Variants in SLAIN2 observed in about 807,000 individuals in gnomAD.
The protein encoded by SLAIN2 is SLAIN motif-containing protein 2.
In SLAIN2, 31 loss-of-function variants were observed where a neutral mutation model predicts 56.6. The observed-to-expected ratio is 0.55, with a 90% CI of 0.41 to 0.74. The LOEUF is 0.74. Among genes scored for constraint, SLAIN2 ranks in the 30% least tolerant of loss-of-function variants. The probability of loss-of-function intolerance (pLI) is 0.00; values close to 1 mark genes in which losing one functional copy is unlikely to be tolerated. For synonymous variants in SLAIN2, 317 were observed against 284.9 expected (o/e 1.11, Z -1.13); for missense variants, 777 against 754.2 (o/e 1.03, Z -0.35).
Position 48,383,692 on chromosome 4 carries a change from C to G in SLAIN2, c.1268C>G (p.Thr423Arg), listed in dbSNP as rs751909465. The G allele has an allele frequency of 1.2e-6, 2 of 1,608,800 alleles. No homozygotes were observed. Among genetic ancestry groups the G allele is most frequent in the South Asian group, 2.2e-5 (2 of 90,190 alleles). ...CCAAACCTGTCCCGAACATCTAATA[C>G]ACAAGTTGACTCAGTGAAAAGCAGC... ...SLPNLSRTSN[T>R]QVDSVKSSRS... Residue 423 changes from threonine (T) to arginine (R), a missense_variant, in exon 6 of 8, where the codon ACA (threonine) becomes AGA (arginine). Transcript: ENST00000264313.
At chr4:48,365,443 T>TAA (rs1295701077) in intron 1 of SLAIN2, among the ~76,000 whole-genome samples, 2 of 45,914 alleles carry the variant, frequency 4.4e-5, no homozygotes, top group African/African-American at 9.8e-5. Flanking sequence ...AGACTCCATC[T>TAA]CAAAAAAAAA....
chr4:48,347,396 A>G (rs1211061246), intron 1 of SLAIN2, among the ~76,000 whole-genome samples: 1 of 137,406 alleles, frequency 7.3e-6, no homozygotes, highest in Non-Finnish European at 1.5e-5. Flanking sequence ...CAGGCGCGTG[A>G]CACCATGCCT....
Position 48,341,930 on chromosome 4 carries a change from C to G in SLAIN2, c.191C>G (p.Pro64Arg), listed in dbSNP as rs1279368219. The G allele has an allele frequency of 6.7e-7, 1 of 1,502,654 alleles. No individual in the cohort carries two copies. Among genetic ancestry groups the G allele is most frequent in the South Asian group, 1.3e-5 (1 of 78,904 alleles). 93.1% of individuals were successfully genotyped at this position (1,502,654 alleles called of 1,614,324 possible). The change falls in exon 1 of 8, where the codon CCT becomes CGT. Residue 64 changes from proline to arginine, a missense_variant. Physicochemically the swap from Pro to Arg is moderately radical, Grantham distance 103 (BLOSUM62 -2). Coordinates refer to ENST00000264313, the MANE Select transcript of SLAIN2 (RefSeq NM_020846.2). ...ATTCCCTCCTCCGGCGCGGCGTCTCCTCGGGGCTTCCCCTTGGGCCTCAGC... is the reference window on the plus strand; with the variant it reads ...ATTCCCTCCTCCGGCGCGGCGTCTCGTCGGGGCTTCCCCTTGGGCCTCAGC... ...ASIPSSGAAS[P>R]RGFPLGLSAK...
intron 6 of SLAIN2, chr4:48,394,750 C>T (rs1291353575): frequency 4.9e-6 from 4 of 817,460 alleles, no homozygotes; most frequent in Non-Finnish European, 7.5e-6. Context: ...CTGTAAGGCA[C>T]ATTTTAGTCT....
chr4:48,399,977 T>A (rs1007587139), intron 6 of SLAIN2, among the ~76,000 whole-genome samples: 1 of 152,166 alleles, frequency 6.6e-6, no homozygotes, highest in African/African-American at 2.4e-5. Context: ...TTTTGTTGTA[T>A]CTTTGCTAGG....
chr4:48,403,150 A>G (rs550278947), intron 6 of SLAIN2, among the ~76,000 whole-genome samples: 1 of 152,322 alleles, frequency 6.6e-6, no homozygotes, highest in Admixed American at 6.5e-5. Context: ...TTTATGAGGT[A>G]TCTGGAGACC....
chr4:48,392,062 CAG>C (rs145431249), intron 6 of SLAIN2, among the ~76,000 whole-genome samples: 2,314 of 152,268 alleles, frequency 0.015, 42 homozygotes, highest in African/African-American at 0.051. Flanking sequence ...TAGAAAGATT[CAG>C]AGTTTCACTT....
intron 6 of SLAIN2, among the ~76,000 whole-genome samples, chr4:48,413,620 G>A (rs1483767013): frequency 6.6e-6 from 1 of 152,162 alleles, no homozygotes; most frequent in Non-Finnish European, 1.5e-5. Flanking sequence ...TCGTTGACAA[G>A]GAGATATTTT....
rs546995086 is a variant in SLAIN2 at position 48,423,042 on chromosome 4, A to T, written c.*965A>T. The T allele has an allele frequency of 3.9e-4, 60 of 152,268 alleles. No individual in the cohort carries two copies. The highest frequency in any genetic ancestry group is 1.4e-3 in the African/African-American group (57 of 41,548). The allele number at this position is 152,268 out of a possible 1,614,324, so 9.4% of individuals were successfully genotyped here. A position where few individuals can be genotyped will look rare whatever the true frequency, so the allele number is the denominator to read the frequency against. The stretch of plus-strand genomic sequence containing the variant: ...TTGCAACCTGGAACAAAACCATACC[A>T]TGAGAGAGAGGGGGAAAAAAATCTA... On this transcript the variant is annotated 3_prime_UTR_variant, in exon 8 of 8. Coordinates refer to ENST00000264313, the MANE Select transcript of SLAIN2 (RefSeq NM_020846.2).
Position 48,362,636 on chromosome 4 carries a change from G to GTC in SLAIN2, c.390-7210_390-7209dup, listed in dbSNP as rs1715358577. The stretch of plus-strand genomic sequence containing the variant: ...GGGTTTCACCGTGTTAGCCAGGATG[G>GTC]TCTCGATCTACTGACCTTGTGATCC... On this transcript the variant is annotated intron_variant, in intron 1 of 7. Coordinates refer to ENST00000264313, the MANE Select transcript of SLAIN2 (RefSeq NM_020846.2). 2.7e-5 allele frequency among the ~76,000 whole-genome samples: 4 copies of GTC among 150,034 alleles called. No homozygotes were observed. In the South Asian group the frequency reaches 8.4e-4, roughly 31 times the overall value.
At chr4:48,362,330 A>G (rs1237528999) in intron 1 of SLAIN2, among the ~76,000 whole-genome samples, 3 of 152,070 alleles carry the variant, frequency 2.0e-5, no homozygotes, top group Non-Finnish European at 4.4e-5. Context: ...TTAATATGTG[A>G]AAACATGTGG....
At chr4:48,395,309 A>G (rs903838898) in intron 6 of SLAIN2, among the ~76,000 whole-genome samples, 1 of 152,192 alleles carries the variant, frequency 6.6e-6, no homozygotes, top group Non-Finnish European at 1.5e-5. Flanking sequence ...GGTATGAAAC[A>G]AAGAGGAAAA....
At chr4:48,401,200 T>G (rs939485045) in intron 6 of SLAIN2, among the ~76,000 whole-genome samples, 1 of 151,974 alleles carries the variant, frequency 6.6e-6, no homozygotes, top group African/African-American at 2.4e-5. Flanking sequence ...GACTATTACA[T>G]GATCAATTTT....
rs1239875731 is a variant in SLAIN2, at chr4:48,423,041, C to T, written c.*964C>T. ...CTTGCAACCTGGAACAAAACCATAC[C>T]ATGAGAGAGAGGGGGAAAAAAATCT... On this transcript the variant is annotated 3_prime_UTR_variant, in exon 8 of 8. Coordinates refer to ENST00000264313, the MANE Select transcript of SLAIN2 (RefSeq NM_020846.2). The T allele has an allele frequency of 6.6e-6, 1 of 152,002 alleles. No individual in the cohort carries two copies. 9.4% of individuals were successfully genotyped at this position (152,002 alleles called of 1,614,324 possible).
intron 1 of SLAIN2, among the ~76,000 whole-genome samples, chr4:48,355,314 G>A (rs1027041494): frequency 6.6e-6 from 1 of 152,206 alleles, no homozygotes; most frequent in African/African-American, 2.4e-5. Flanking sequence ...AAGGGATGAT[G>A]TGAAATATTC....
chr4:48,399,239 C>A (rs1169428778), intron 6 of SLAIN2, among the ~76,000 whole-genome samples: 3 of 152,028 alleles, frequency 2.0e-5, no homozygotes, highest in Non-Finnish European at 4.4e-5. Context: ...TAGCTGTATT[C>A]CTAGGTATTT....
intron 2 of SLAIN2, among the ~76,000 whole-genome samples, chr4:48,374,299 C>T (rs1341282984): frequency 6.6e-5 from 10 of 151,962 alleles, no homozygotes; most frequent in African/African-American, 2.2e-4. Context: ...TGCAGTGGTG[C>T]GATCTTGGCT....
At chr4:48,359,342 ATTTGCATCTAAAGAAAT>A (rs552136071) in intron 1 of SLAIN2, among the ~76,000 whole-genome samples, 58 of 152,330 alleles carry the variant, frequency 3.8e-4, no homozygotes, top group African/African-American at 1.3e-3. Flanking sequence ...CCTGTAAAAA[ATTTGCATCTAAAGAAAT>A]TTATTTCAAT....
chr4:48,379,738 C>T lies in SLAIN2; in HGVS notation c.752C>T (p.Ser251Phe). Reference protein sequence around the residue: ...DRNPPLSPQSSIDSELSASEL... With the variant: ...DRNPPLSPQSFIDSELSASEL... ...AATCCTCCACTCAGTCCTCAGTCCT[C>T]TATAGATAGTGAGTTAAGTGCTTCA... Residue 251 changes from serine to phenylalanine, a missense_variant, in exon 4 of 8, where the codon TCT (serine) becomes TTT (phenylalanine). By Grantham distance (155) the Ser-to-Phe change is radical (BLOSUM62 -2). Transcript: ENST00000264313. The T allele has an allele frequency of 6.3e-7, 1 of 1,588,296 alleles. No individual in the cohort carries two copies. Among genetic ancestry groups the T allele is most frequent in the Non-Finnish European group, 8.6e-7 (1 of 1,169,540 alleles).
Sources: gnomAD v4.1 joint callset for allele counts (sites outside exome capture counted in the v4.1 genomes callset) on GRCh38, gnomAD v4.1.1 for gene constraint, MANE v1.5 for transcripts, NCBI Gene and HGNC (gene_info 2026-07-23, HGNC 2026-07-21) for gene names.